Variants in XKR9 observed in about 807,000 individuals in gnomAD.
XKR9 encodes XK related 9, also known as XK-related protein 9.
A neutral mutation model predicts 32.0 loss-of-function variants in XKR9; 32 were observed. The ratio of observed to expected loss-of-function variants is 1.00; its 90% CI spans 0.76 to 1.34. The LOEUF is 1.34. Ranked by LOEUF, XKR9 falls within the 40% of genes most tolerant of loss-of-function variation. The probability of loss-of-function intolerance (pLI) is 0.00; values close to 1 mark genes in which losing one functional copy is unlikely to be tolerated. For missense variants in XKR9, 546 were observed against 429.7 expected (o/e 1.27, Z -2.39); for synonymous variants, 168 against 143.4 (o/e 1.17, Z -1.22).
intron 4 of XKR9, among the ~76,000 whole-genome samples, chr8:70,725,466 A>G (rs972354234): frequency 6.8e-6 from 1 of 146,188 alleles, no homozygotes; most frequent in Non-Finnish European, 1.5e-5. Flanking sequence ...AATAGATGTC[A>G]GGAGAAAATC....
At chr8:70,899,179 C>T in the XKR9 span, among the ~76,000 whole-genome samples, 6 of 152,028 alleles carry the variant, frequency 3.9e-5, no homozygotes, top group Non-Finnish European at 7.4e-5. Context: ...AATTTGTCTT[C>T]GGTGTAAGGC....
the XKR9 span, among the ~76,000 whole-genome samples, chr8:71,017,077 C>T: frequency 6.6e-6 from 1 of 152,170 alleles, no homozygotes; most frequent in African/African-American, 2.4e-5. Context: ...TAGCTCAACT[C>T]ACACTTCAGC....
the XKR9 span, among the ~76,000 whole-genome samples, chr8:70,809,675 A>G: frequency 6.6e-6 from 1 of 152,258 alleles, no homozygotes; most frequent in East Asian, 1.9e-4. Context: ...GATTCGATCA[A>G]CTGGAAGAAA....
chr8:70,797,701 C>T, the XKR9 span, among the ~76,000 whole-genome samples: 1 of 152,168 alleles, frequency 6.6e-6, no homozygotes, highest in African/African-American at 2.4e-5. Flanking sequence ...ATCTTCACTC[C>T]CCTAACCTCC....
chr8:71,050,236 GATATATATATAT>G, the XKR9 span, among the ~76,000 whole-genome samples: 1 of 123,566 alleles, frequency 8.1e-6, no homozygotes, highest in African/African-American at 3.2e-5. Flanking sequence ...GCCTGGCAGA[GATATATATATAT>G]ATATATATAT....
the XKR9 span, among the ~76,000 whole-genome samples, chr8:70,846,941 A>G: frequency 6.6e-6 from 1 of 152,052 alleles, no homozygotes; most frequent in African/African-American, 2.4e-5. Context: ...TAGACAGAAA[A>G]TCAACAAAGA....
At chr8:70,910,398 G>A in the XKR9 span, among the ~76,000 whole-genome samples, 1 of 152,058 alleles carries the variant, frequency 6.6e-6, no homozygotes, top group South Asian at 2.1e-4. Context: ...TCTACTAATT[G>A]GGGATATGGG....
chr8:70,767,487 C>A (rs1461290698), intron 2 of XKR9, among the ~76,000 whole-genome samples: 1 of 130,982 alleles, frequency 7.6e-6, no homozygotes, highest in African/African-American at 2.7e-5. Flanking sequence ...ATTCTTCTCT[C>A]TTTTCCTTCT....
chr8:70,681,310 G>T lies in XKR9; in HGVS notation c.252G>T (p.Leu84Phe). 2.5e-6 allele frequency: 4 copies of T among 1,612,128 alleles called. No individual in the cohort carries two copies. Among genetic ancestry groups the T allele is most frequent in the Non-Finnish European group, 3.4e-6 (4 of 1,179,080 alleles). ...SQHCFLLLHCLQGGVFTRYWF... is the reference protein window; with the variant it reads ...SQHCFLLLHCFQGGVFTRYWF... Reference sequence around the variant, plus strand: ...ATTGTTTTCTTCTACTTCATTGCTTGCAAGGAGGAGTTTTTACAAGGTGAG... The same window carrying T: ...ATTGTTTTCTTCTACTTCATTGCTTTCAAGGAGGAGTTTTTACAAGGTGAG... Residue 84 changes from leucine to phenylalanine, a missense_variant, in exon 3 of 5, where the codon TTG becomes TTT. Transcript: ENST00000408926.
chr8:70,886,328 G>A, the XKR9 span, among the ~76,000 whole-genome samples: 1 of 152,112 alleles, frequency 6.6e-6, no homozygotes. Flanking sequence ...CTTTGCTATT[G>A]TACATCATGC....
chr8:70,806,280 C>A, the XKR9 span, among the ~76,000 whole-genome samples: 1 of 152,188 alleles, frequency 6.6e-6, no homozygotes. Flanking sequence ...AGCCTCAAAT[C>A]GAAACTACAC....
the XKR9 span, among the ~76,000 whole-genome samples, chr8:70,813,338 C>G: frequency 6.6e-6 from 1 of 152,162 alleles, no homozygotes; most frequent in Admixed American, 6.5e-5. Context: ...ACCATAAACC[C>G]TAGAAGAAAA....
chr8:70,827,499 G>A, the XKR9 span, among the ~76,000 whole-genome samples: 1 of 152,080 alleles, frequency 6.6e-6, no homozygotes, highest in Non-Finnish European at 1.5e-5. Context: ...AGAAGAGAAA[G>A]TTTGGAAAGC....
At chr8:70,954,659 A>T in the XKR9 span, among the ~76,000 whole-genome samples, 1 of 152,326 alleles carries the variant, frequency 6.6e-6, no homozygotes, top group South Asian at 2.1e-4. Flanking sequence ...CCTCAGGTTC[A>T]TTTCAATTCA....
the XKR9 span, among the ~76,000 whole-genome samples, chr8:70,851,031 C>T: frequency 6.6e-6 from 1 of 152,152 alleles, no homozygotes; most frequent in South Asian, 2.1e-4. Context: ...ATTTAGAAAA[C>T]CCCATCGTCT....
chr8:70,857,105 G>A, the XKR9 span, among the ~76,000 whole-genome samples: 3 of 151,972 alleles, frequency 2.0e-5, no homozygotes, highest in African/African-American at 4.8e-5. Context: ...CTAGCAGAAG[G>A]CAAGAAATAA....
chr8:70,895,753 C>T, the XKR9 span, among the ~76,000 whole-genome samples: 2 of 144,318 alleles, frequency 1.4e-5, no homozygotes, highest in Admixed American at 7.5e-5. Context: ...GGGAGGCCAA[C>T]GTGGGCAGAT....
intron 4 of XKR9, among the ~76,000 whole-genome samples, chr8:70,708,669 T>C (rs1805807011): frequency 6.6e-6 from 1 of 152,108 alleles, no homozygotes; most frequent in Non-Finnish European, 1.5e-5. Flanking sequence ...ATGCAAAATG[T>C]TAAGTGTGTC....
the XKR9 span, among the ~76,000 whole-genome samples, chr8:70,886,151 C>T: frequency 6.6e-6 from 1 of 152,050 alleles, no homozygotes; most frequent in Non-Finnish European, 1.5e-5. Context: ...TTTGGTTTTC[C>T]CTTCCTGTGT....
Sources: gnomAD v4.1 joint callset for allele counts (sites outside exome capture counted in the v4.1 genomes callset) on GRCh38, gnomAD v4.1.1 for gene constraint, MANE v1.5 for transcripts, NCBI Gene and HGNC (gene_info 2026-07-23, HGNC 2026-07-21) for gene names.